Variants in GALNT17 observed in about 807,000 individuals in gnomAD.
GALNT17 encodes the protein polypeptide N-acetylgalactosaminyltransferase 17, also known as UDP-GalNAc:polypeptide N-acetylgalactosaminyltransferase-like 3.
In GALNT17, 29 loss-of-function variants were observed where a neutral mutation model predicts 63.7. The ratio of observed to expected loss-of-function variants is 0.46; its 90% confidence interval spans 0.34 to 0.62. The LOEUF is 0.62. Ranked by LOEUF, GALNT17 falls within the 20% of genes least tolerant of loss-of-function variation. GALNT17 has a pLI of 0.01. For missense variants in GALNT17, 603 were observed against 799.6 expected, an observed-to-expected ratio of 0.75 and a Z score of 2.97; for synonymous variants, 305 against 318.3, an observed-to-expected ratio of 0.96 and a Z score of 0.45.
At chr7:71,316,181 G>T (rs1038599982) in intron 1 of GALNT17, among the ~76,000 whole-genome samples, 1 of 151,420 alleles carries the variant, frequency 6.6e-6, no homozygotes, top group Non-Finnish European at 1.5e-5. Context: ...CTCGCAGGCC[G>T]CCTGGGGTCC....
At chr7:71,541,242 CAAA>C (rs9297114) in intron 5 of GALNT17, among the ~76,000 whole-genome samples, 22,389 of 145,632 alleles carry the variant, frequency 0.15, 2,087 homozygotes, top group Admixed American at 0.22. Context: ...GACACTGTCT[CAAA>C]AAAAAAAAAA....
At chr7:71,602,722 C>A (rs1047325693) in intron 6 of GALNT17, among the ~76,000 whole-genome samples, 2 of 152,100 alleles carry the variant, frequency 1.3e-5, no homozygotes, top group African/African-American at 2.4e-5. Flanking sequence ...CCCAAAAGTT[C>A]ATGTAGTGTA....
chr7:71,593,857 C>T (rs1266310105), intron 6 of GALNT17, among the ~76,000 whole-genome samples: 1 of 152,140 alleles, frequency 6.6e-6, no homozygotes, highest in Non-Finnish European at 1.5e-5. Flanking sequence ...ACTAAAACTA[C>T]ATATTTTTCT....
At chr7:71,315,928 C>A (rs147238640) in intron 1 of GALNT17, among the ~76,000 whole-genome samples, 26 of 152,240 alleles carry the variant, frequency 1.7e-4, no homozygotes, top group African/African-American at 5.3e-4. Context: ...TTTTGTTCAC[C>A]TGCACGTACC....
chr7:71,133,181 C>A, intron 1 of GALNT17, 141 bp downstream of exon 1: 1 of 706,458 alleles, frequency 1.4e-6, no homozygotes, highest in Non-Finnish European at 2.2e-6. Context: ...ACCCTTCCTG[C>A]CCCGTTTCGG....
intron 2 of GALNT17, among the ~76,000 whole-genome samples, chr7:71,338,357 A>AT (rs1288323141): frequency 3.1e-5 from 4 of 128,132 alleles, no homozygotes; most frequent in Admixed American, 8.2e-5. Context: ...AAAAATAAAT[A>AT]AATATATATA....
chr7:71,539,994 G>A (rs1013665953), intron 5 of GALNT17, among the ~76,000 whole-genome samples: 1 of 148,122 alleles, frequency 6.8e-6, no homozygotes, highest in African/African-American at 2.5e-5. Context: ...AGATCTTGCT[G>A]TGTTGCCGAG....
chr7:71,294,481 C>T (rs1032411043), intron 1 of GALNT17, among the ~76,000 whole-genome samples: 13 of 122,910 alleles, frequency 1.1e-4, no homozygotes, highest in Non-Finnish European at 1.7e-4. Flanking sequence ...GTGGTGTGGT[C>T]TTGGCTCACT....
chr7:71,166,661 A>G (rs1788446095), intron 1 of GALNT17, among the ~76,000 whole-genome samples: 1 of 152,128 alleles, frequency 6.6e-6, no homozygotes, highest in South Asian at 2.1e-4. Flanking sequence ...CAGTGTATCC[A>G]TCGTTTATTT....
intron 9 of GALNT17, among the ~76,000 whole-genome samples, chr7:71,699,076 G>A (rs1791587991): frequency 6.7e-6 from 1 of 148,266 alleles, no homozygotes. Flanking sequence ...GGAGGCTGAG[G>A]CAGGAGAATT....
At chr7:71,566,331 AC>A (rs1481292461) in intron 5 of GALNT17, among the ~76,000 whole-genome samples, 1 of 151,862 alleles carries the variant, frequency 6.6e-6, no homozygotes, top group African/African-American at 2.4e-5. Context: ...GATTTTAACT[AC>A]CCTGTTTGCC....
intron 1 of GALNT17, among the ~76,000 whole-genome samples, chr7:71,225,039 G>T (rs1306800479): frequency 6.6e-6 from 1 of 152,038 alleles, no homozygotes; most frequent in African/African-American, 2.4e-5. Context: ...CTTGATCTCT[G>T]CTCACTGCAA....
At chr7:71,444,667 C>T (rs977023256) in intron 5 of GALNT17, among the ~76,000 whole-genome samples, 2 of 152,108 alleles carry the variant, frequency 1.3e-5, no homozygotes, top group Admixed American at 1.3e-4. Flanking sequence ...GAAACTCTGT[C>T]TTTACTAAAA....
chr7:71,587,697 T>G (rs73702222), intron 6 of GALNT17, among the ~76,000 whole-genome samples: 6,289 of 152,070 alleles, frequency 0.041, 393 homozygotes, highest in African/African-American at 0.14. Flanking sequence ...TACTTTTTTG[T>G]ACTGAAAACA....
chr7:71,221,654 A>C (rs1175205936), intron 1 of GALNT17, among the ~76,000 whole-genome samples: 1 of 152,150 alleles, frequency 6.6e-6, no homozygotes, highest in African/African-American at 2.4e-5. Flanking sequence ...GGTCAGGCTG[A>C]TGTCAGCATG....
chr7:71,280,667 C>G (rs1406240699), intron 1 of GALNT17, among the ~76,000 whole-genome samples: 2 of 152,198 alleles, frequency 1.3e-5, no homozygotes, highest in African/African-American at 4.8e-5. Context: ...GCCCTCCAGT[C>G]TGTCCTGTAG....
At chr7:71,155,095 G>A (rs1017559098) in intron 1 of GALNT17, among the ~76,000 whole-genome samples, 1 of 151,714 alleles carries the variant, frequency 6.6e-6, no homozygotes, top group Admixed American at 6.6e-5. Context: ...AAACCACCGA[G>A]CGTTGAGTTT....
chr7:71,521,813 C>T (rs547554887), intron 5 of GALNT17, among the ~76,000 whole-genome samples: 1 of 152,252 alleles, frequency 6.6e-6, no homozygotes, highest in South Asian at 2.1e-4. Context: ...GTTTATGACA[C>T]ATCCGAAACA....
intron 1 of GALNT17, among the ~76,000 whole-genome samples, chr7:71,226,939 G>A (rs997623084): frequency 6.6e-6 from 1 of 152,022 alleles, no homozygotes; most frequent in Non-Finnish European, 1.5e-5. Flanking sequence ...CCCCCTCTAT[G>A]TGCTGCCGTC....
Sources: allele counts gnomAD v4.1 joint callset (sites outside exome capture counted in the v4.1 genomes callset), GRCh38; gene constraint gnomAD v4.1.1; transcripts MANE v1.5; gene names NCBI Gene and HGNC (gene_info 2026-07-23, HGNC 2026-07-21).